The following SEMA6D variants were observed in gnomAD, a reference collection of about 807,000 sequenced individuals.
SEMA6D encodes the protein semaphorin 6D.
In SEMA6D, 35 loss-of-function variants were observed where a neutral mutation model predicts 106.6. The observed-to-expected ratio is 0.33, with a 90% CI of 0.25 to 0.44. The LOEUF (loss-of-function observed/expected upper bound fraction) is 0.44. SEMA6D is among the 20% of genes least tolerant of loss of function. The pLI is 1.00. For synonymous variants in SEMA6D, 499 were observed against 487.7 expected, an observed-to-expected ratio of 1.02 and a Z score of -0.31; for missense variants, 1,185 against 1,345.9, an observed-to-expected ratio of 0.88 and a Z score of 1.87.
rs2036534786 is a variant in SEMA6D at position 47,313,754 on chromosome 15, CAG to C, written c.-238-98638_-238-98637del. ...TAAAAACTAGCTGAGTATAGTGAGA[CAG>C]TGCTGCTGTGTTGTGCAGGCTGCTC... On this transcript the variant is annotated intron_variant, in intron 1 of 19. Coordinates refer to the SEMA6D transcript ENST00000558014. Among the ~76,000 whole-genome samples, 4 of 152,220 alleles carry C rather than the reference CAG, an allele frequency of 2.6e-5. No homozygotes were observed. In the South Asian group the frequency reaches 8.3e-4, roughly 32 times the overall value.
chr15:47,528,441 A>G (rs561641834), intron 3 of SEMA6D, among the ~76,000 whole-genome samples: 1 of 152,174 alleles, frequency 6.6e-6, no homozygotes, highest in Non-Finnish European at 1.5e-5. Context: ...AAAACAGGCA[A>G]GTTGGTCTGC....
intron 2 of SEMA6D, among the ~76,000 whole-genome samples, chr15:47,469,010 T>C (rs1184456677): frequency 6.6e-6 from 1 of 152,164 alleles, no homozygotes; most frequent in Non-Finnish European, 1.5e-5. Flanking sequence ...GGAAAGTCTG[T>C]CACTGCCAAA....
chr15:47,648,831 C>T (rs1254175320), intron 4 of SEMA6D, among the ~76,000 whole-genome samples: 1 of 151,988 alleles, frequency 6.6e-6, no homozygotes, highest in Admixed American at 6.6e-5. Context: ...GTTTTTGTGA[C>T]CAGAAATATC....
chr15:47,582,313 C>G (rs1431052459), intron 3 of SEMA6D, among the ~76,000 whole-genome samples: 4 of 152,164 alleles, frequency 2.6e-5, no homozygotes, highest in African/African-American at 9.7e-5. Flanking sequence ...CAGTGGATTA[C>G]GAGGCCACAC....
chr15:47,626,277 C>A (rs745520817), intron 4 of SEMA6D, among the ~76,000 whole-genome samples: 7 of 152,186 alleles, frequency 4.6e-5, no homozygotes, highest in Non-Finnish European at 7.4e-5. Context: ...GAAGAGCAGA[C>A]ACAGAGTTCC....
chr15:47,199,045 T>C (rs1266243403), intron 1 of SEMA6D, among the ~76,000 whole-genome samples: 3 of 152,214 alleles, frequency 2.0e-5, no homozygotes, highest in Non-Finnish European at 4.4e-5. Context: ...TTTGCCTTTG[T>C]GCCTCAGCAT....
At chr15:47,188,394 T>C (rs1479067809) in intron 1 of SEMA6D, among the ~76,000 whole-genome samples, 2 of 152,172 alleles carry the variant, frequency 1.3e-5, no homozygotes, top group Non-Finnish European at 2.9e-5. Flanking sequence ...AAGACTAACA[T>C]TAATGGGTAA....
At chr15:47,190,452 T>C (rs1439198313) in intron 1 of SEMA6D, among the ~76,000 whole-genome samples, 4 of 152,204 alleles carry the variant, frequency 2.6e-5, no homozygotes, top group Non-Finnish European at 5.9e-5. Flanking sequence ...CTTTTATCTT[T>C]ACTTTCCATT....
intron 4 of SEMA6D, among the ~76,000 whole-genome samples, chr15:47,636,897 G>C (rs956544072): frequency 1.3e-5 from 2 of 152,108 alleles, no homozygotes; most frequent in African/African-American, 4.8e-5. Flanking sequence ...TTTTCACCAG[G>C]CCAAAGTGTG....
intron 2 of SEMA6D, among the ~76,000 whole-genome samples, chr15:47,448,498 C>T (rs1416241027): frequency 2.0e-5 from 3 of 152,118 alleles, no homozygotes; most frequent in Non-Finnish European, 4.4e-5. Flanking sequence ...CCTGATCCAT[C>T]ACTTATTTCT....
intron 4 of SEMA6D, among the ~76,000 whole-genome samples, chr15:47,651,715 A>G (rs1171570360): frequency 6.6e-6 from 1 of 152,210 alleles, no homozygotes; most frequent in African/African-American, 2.4e-5. Flanking sequence ...TCTAGATTTG[A>G]CAACCTTTGT....
chr15:47,510,593 G>T (rs985889902), intron 3 of SEMA6D, among the ~76,000 whole-genome samples: 1 of 152,172 alleles, frequency 6.6e-6, no homozygotes, highest in Non-Finnish European at 1.5e-5. Context: ...CAATTCAGTT[G>T]GAATGTCAAG....
intron 4 of SEMA6D, among the ~76,000 whole-genome samples, chr15:47,637,632 G>A (rs372874433): frequency 1.3e-5 from 2 of 152,282 alleles, no homozygotes; most frequent in East Asian, 3.9e-4. Context: ...AAATAGGTGT[G>A]ATGCTATAAT....
chr15:47,672,076 A>T (rs2078148041), intron 4 of SEMA6D, among the ~76,000 whole-genome samples: 2 of 152,218 alleles, frequency 1.3e-5, no homozygotes, highest in Non-Finnish European at 2.9e-5. Flanking sequence ...TGATATTATT[A>T]TCACATATAA....
intron 3 of SEMA6D, among the ~76,000 whole-genome samples, chr15:47,546,594 T>C (rs2045528591): frequency 6.6e-6 from 1 of 152,084 alleles, no homozygotes; most frequent in African/African-American, 2.4e-5. Flanking sequence ...TCAATGTAGA[T>C]GACCTAGAAA....
At chr15:47,571,737 C>T (rs889872057) in intron 3 of SEMA6D, among the ~76,000 whole-genome samples, 1 of 152,070 alleles carries the variant, frequency 6.6e-6, no homozygotes, top group Non-Finnish European at 1.5e-5. Flanking sequence ...TAAGGTTTTG[C>T]AAGATCATTT....
rs58729099 is a variant in SEMA6D, at chr15:47,337,115, C to A, written c.-238-75278C>A. On this transcript the variant is annotated intron_variant, in intron 1 of 19. Coordinates refer to the SEMA6D transcript ENST00000558014. ...TGCATCAAGGTAGAGCAAGTAAATGCCCATAAGAAGAACCCTAGTCCAGTT... is the reference window on the plus strand; with the variant it reads ...TGCATCAAGGTAGAGCAAGTAAATGACCATAAGAAGAACCCTAGTCCAGTT... Among the ~76,000 whole-genome samples the A allele has an allele frequency of 6.2e-3, 949 of 152,166 alleles. 2 individuals are homozygous for A. The highest frequency in any genetic ancestry group is 0.022 in the African/African-American group (907 of 41,516).
chr15:47,423,222 C>A (rs1225771407), intron 2 of SEMA6D, among the ~76,000 whole-genome samples: 1 of 151,822 alleles, frequency 6.6e-6, no homozygotes, highest in Non-Finnish European at 1.5e-5. Flanking sequence ...ATCAGAACAA[C>A]CCAAGCACTA....
chr15:47,754,610 A>G (rs1016668028), intron 1 of SEMA6D, among the ~76,000 whole-genome samples: 1 of 152,080 alleles, frequency 6.6e-6, no homozygotes, highest in African/African-American at 2.4e-5. Context: ...GATGTGTCTA[A>G]CTTTATTTCC....
Sources: allele counts gnomAD v4.1 joint callset (sites outside exome capture counted in the v4.1 genomes callset), GRCh38; gene constraint gnomAD v4.1.1; transcripts MANE v1.5; gene names NCBI Gene and HGNC (gene_info 2026-07-23, HGNC 2026-07-21).